Variants in FAAH2 observed in about 807,000 individuals in gnomAD.
The protein encoded by FAAH2 is fatty-acid amide hydrolase 2.
Under a neutral mutation model 36.9 loss-of-function variants are expected in FAAH2, and 60 were observed. That is an observed-to-expected ratio of 1.63 (90% confidence interval 1.32 to 2.02). The LOEUF (loss-of-function observed/expected upper bound fraction) is 2.02. Among genes scored for constraint, FAAH2 ranks in the 30% most tolerant of loss-of-function variants. FAAH2 has a pLI of 0.00. For missense variants in FAAH2, 689 were observed against 397.5 expected, an observed-to-expected ratio of 1.73 and a Z score of -6.23; for synonymous variants, 214 against 143.8, an observed-to-expected ratio of 1.49 and a Z score of -3.49.
the FAAH2 span, among the ~76,000 whole-genome samples, chrX:57,271,027 G>A: frequency 8.9e-6 from 1 of 112,274 alleles, no homozygotes; most frequent in East Asian, 2.8e-4. Context: ...GAGCAAAGTG[G>A]TCTGGCTTGG....
the FAAH2 span, among the ~76,000 whole-genome samples, chrX:57,209,909 C>T: frequency 9.1e-6 from 1 of 110,422 alleles, no homozygotes; most frequent in Non-Finnish European, 1.9e-5. Flanking sequence ...TTTAATGCTC[C>T]CTCCATGGGT....
the FAAH2 span, among the ~76,000 whole-genome samples, chrX:57,213,599 G>A: frequency 9.0e-6 from 1 of 111,721 alleles, no homozygotes; most frequent in Non-Finnish European, 1.9e-5. Context: ...AGACGCTTCA[G>A]GAGTACGTTA....
chrX:57,228,170 C>T, the FAAH2 span, among the ~76,000 whole-genome samples: 1 of 112,121 alleles, frequency 8.9e-6, no homozygotes, highest in African/African-American at 3.2e-5. Flanking sequence ...ACTTCTCGCC[C>T]TGTTCAAATT....
At chrX:57,393,487 C>T in intron 7 of FAAH2, 3 of 956,339 alleles carry the variant, frequency 3.1e-6, no homozygotes, top group Non-Finnish European at 4.5e-6. Context: ...AGAGTGTGAT[C>T]CGGTCTGCAA....
intron 7 of FAAH2, among the ~76,000 whole-genome samples, chrX:57,414,707 G>A (rs1407503772): frequency 9.0e-6 from 1 of 111,257 alleles, no homozygotes; most frequent in African/African-American, 3.3e-5. Flanking sequence ...CCAGGTTTTG[G>A]TATCAGGATG....
At chrX:57,169,505 T>A in the FAAH2 span, among the ~76,000 whole-genome samples, 1 of 361 alleles carries the variant, frequency 2.8e-3, no homozygotes, top group Non-Finnish European at 0.017. Flanking sequence ...AGTATATATA[T>A]ATATATATAT....
the FAAH2 span, among the ~76,000 whole-genome samples, chrX:57,167,618 A>G: frequency 1.8e-5 from 2 of 111,510 alleles, no homozygotes; most frequent in African/African-American, 6.5e-5. Flanking sequence ...TAAGAATCCA[A>G]GCATCATTCT....
intron 7 of FAAH2, among the ~76,000 whole-genome samples, chrX:57,419,945 A>T (rs757738090): frequency 3.6e-5 from 4 of 112,094 alleles, no homozygotes; most frequent in African/African-American, 1.3e-4. Context: ...ATGGCTAGCC[A>T]GTTTTCCCAG....
chrX:57,299,207 T>C (rs1381137523), intron 2 of FAAH2, among the ~76,000 whole-genome samples: 1 of 111,941 alleles, frequency 8.9e-6, no homozygotes, highest in Non-Finnish European at 1.9e-5. Flanking sequence ...AAATCCTCAA[T>C]AAAATGCTGG....
At chrX:57,439,717 G>A (rs772905922) in intron 8 of FAAH2, among the ~76,000 whole-genome samples, 1 of 111,827 alleles carries the variant, frequency 8.9e-6, no homozygotes, top group African/African-American at 3.2e-5. Flanking sequence ...TTTTCTTCTA[G>A]GGTTTTTATG....
At chrX:57,358,162 T>C (rs1388009754) in intron 5 of FAAH2, among the ~76,000 whole-genome samples, 1 of 110,605 alleles carries the variant, frequency 9.0e-6, no homozygotes, top group African/African-American at 3.3e-5. Context: ...GATCTTTTTT[T>C]TTTTTAAATT....
At chrX:57,180,273 C>A in the FAAH2 span, among the ~76,000 whole-genome samples, 1 of 111,421 alleles carries the variant, frequency 9.0e-6, no homozygotes, top group East Asian at 2.8e-4. Flanking sequence ...CAGAGCTGAA[C>A]TGAAGGAGAT....
At chrX:57,352,569 A>G (rs1364948383) in intron 5 of FAAH2, among the ~76,000 whole-genome samples, 1 of 110,774 alleles carries the variant, frequency 9.0e-6, no homozygotes, top group Non-Finnish European at 1.9e-5. Context: ...GAGAATACCC[A>G]TGTTTGCTAC....
intron 7 of FAAH2, among the ~76,000 whole-genome samples, chrX:57,415,718 A>G (rs1241388613): frequency 6.3e-5 from 7 of 110,937 alleles, no homozygotes; most frequent in Admixed American, 3.8e-4. Context: ...TGGGGTGGAG[A>G]GTTCTGTAGA....
chrX:57,244,091 G>C, the FAAH2 span, among the ~76,000 whole-genome samples: 1 of 107,533 alleles, frequency 9.3e-6, no homozygotes, highest in Non-Finnish European at 1.9e-5. Flanking sequence ...TGAGAACTTC[G>C]TGAAGCATAC....
At chrX:57,222,837 A>T in the FAAH2 span, among the ~76,000 whole-genome samples, 1 of 111,399 alleles carries the variant, frequency 9.0e-6, no homozygotes, top group Non-Finnish European at 1.9e-5. Context: ...CCCTTTCCAG[A>T]TGCCCCCTTT....
intron 7 of FAAH2, among the ~76,000 whole-genome samples, chrX:57,387,259 T>C (rs1294875524): frequency 9.0e-6 from 1 of 111,410 alleles, no homozygotes; most frequent in Non-Finnish European, 1.9e-5. Flanking sequence ...TTATAGAAAG[T>C]ATGCCAAGGA....
intron 10 of FAAH2, among the ~76,000 whole-genome samples, chrX:57,454,703 C>T (rs1399829130): frequency 1.8e-5 from 2 of 111,586 alleles, no homozygotes; most frequent in Non-Finnish European, 3.8e-5. Context: ...AAGAAAGAAT[C>T]TCTGAGCTGG....
chrX:57,181,679 C>T, the FAAH2 span, among the ~76,000 whole-genome samples: 1 of 111,392 alleles, frequency 9.0e-6, no homozygotes, highest in African/African-American at 3.3e-5. Flanking sequence ...ATTCAATGCT[C>T]TTCCTATCAA....
Sources: allele counts gnomAD v4.1 joint callset (sites outside exome capture counted in the v4.1 genomes callset), GRCh38; gene constraint gnomAD v4.1.1; transcripts MANE v1.5; gene names NCBI Gene and HGNC (gene_info 2026-07-23, HGNC 2026-07-21).